The following CAPN3 variants were observed in gnomAD, a reference collection of about 807,000 sequenced individuals.
CAPN3 encodes the protein calpain 3.
A neutral mutation model predicts 114.0 loss-of-function variants in CAPN3; 88 were observed. That is an observed-to-expected ratio of 0.77 (90% CI 0.65 to 0.92). CAPN3 has a LOEUF of 0.92. Ranked by LOEUF, CAPN3 falls within the 40% of genes least tolerant of loss-of-function variation. The pLI is 0.00. For missense variants in CAPN3, 1,028 were observed against 1,069.0 expected (o/e 0.96, Z 0.53); for synonymous variants, 386 against 382.9 (o/e 1.01, Z -0.09).
At chr15:42,378,709 T>C (rs888500615) in intron 1 of CAPN3, among the ~76,000 whole-genome samples, 1 of 152,094 alleles carries the variant, frequency 6.6e-6, no homozygotes, top group Non-Finnish European at 1.5e-5. Flanking sequence ...ATCTCTTCTA[T>C]AGTGTACTAA....
chr15:42,392,678 G>A lies in CAPN3; in HGVS notation c.985G>A (p.Gly329Arg), dbSNP rs1085307995. The A allele has an allele frequency of 1.9e-6, 3 of 1,613,986 alleles. No homozygotes were observed. The highest frequency in any genetic ancestry group is 2.5e-6 in the Non-Finnish European group (3 of 1,179,936). The change falls in exon 7 of 24, where the codon GGG (glycine) becomes AGG (arginine). Residue 329 changes from glycine (G) to arginine (R), a missense_variant. Physicochemically the swap from Gly to Arg is moderately radical, Grantham distance 125. Coordinates refer to ENST00000397163, the MANE Select transcript of CAPN3 (RefSeq NM_000070.3). ...PVQYETRMAC[G>R]LVRGHAYSVT... Reference sequence around the variant, plus strand: ...TCAGTATGAGACAAGAATGGCCTGCGGGCTGGTCAGAGGTCACGCCTACTC... The same window carrying A: ...TCAGTATGAGACAAGAATGGCCTGCAGGCTGGTCAGAGGTCACGCCTACTC...
At chr15:42,410,306 G>A in intron 19 of CAPN3, 122 bp from the exon 20 acceptor site, 1 of 914,162 alleles carries the variant, frequency 1.1e-6, no homozygotes. Context: ...TGGTGGAGTG[G>A]AGGGGAGGGT....
At position 42,409,767 on chromosome 15, in the gene CAPN3, T is replaced by G; in HGVS notation, c.1993-20T>G. The G allele has an allele frequency of 6.2e-7, 1 of 1,608,440 alleles. No homozygotes were observed. The highest frequency in any genetic ancestry group is 8.5e-7 in the Non-Finnish European group (1 of 1,177,708). Reference sequence around the variant, plus strand: ...CTGCTGTACTCCTGAACCATGACCCTCCTCTCCCTTCCTCCTCAGGACATG... The same window carrying G: ...CTGCTGTACTCCTGAACCATGACCCGCCTCTCCCTTCCTCCTCAGGACATG... On this transcript the variant is annotated intron_variant, in intron 17 of 23. Transcript: ENST00000397163.
intron 2 of CAPN3, among the ~76,000 whole-genome samples, chr15:42,385,036 G>A (rs546354356): frequency 9.2e-4 from 140 of 152,314 alleles, no homozygotes; most frequent in African/African-American, 3.2e-3. Flanking sequence ...GATGGCATCC[G>A]CCATGTGGAT....
chr15:42,402,782 C>G lies in CAPN3; in HGVS notation c.1537-12C>G, dbSNP rs749260802. 40 of 1,613,656 alleles carry G rather than the reference C, an allele frequency of 2.5e-5. 2 individuals carry two copies. In the South Asian group the frequency reaches 4.3e-4, roughly 17 times the overall value. On this transcript the variant is annotated splice_polypyrimidine_tract_variant and intron_variant, in intron 12 of 23. Transcript: ENST00000397163. ...AGGGGCTCATGTGCCCTGGGCTCTC[C>G]CCATCTCTCAGATGCACGGGAACAA...
At position 42,375,608 on chromosome 15, in the gene CAPN3, T is replaced by C. The variant is rs146646992; in HGVS notation, c.310-8875T>C. 8.0e-4 allele frequency among the ~76,000 whole-genome samples: 122 copies of C among 152,306 alleles called. 1 individual carries two copies. The highest frequency in any genetic ancestry group is 3.4e-3 in the Middle Eastern group (1 of 294). On this transcript the variant is annotated intron_variant, in intron 1 of 23. Transcript: ENST00000397163. ...CCCAGTAGATCTGCAAGATGATCCA[T>C]TGGAGTGGATGAAAAAACTATTAGA... is the stretch of plus-strand genomic sequence containing the variant.
intron 2 of CAPN3, chr15:42,385,531 CAGAGAGAGAGAG>C (rs751078121): frequency 1.9e-5 from 7 of 361,092 alleles, no homozygotes; most frequent in African/African-American, 4.4e-5. Context: ...TATACACACA[CAGAGAGAGAGAG>C]AGAGAGAGAG....
chr15:42,409,722 C>G (rs1158292903), intron 17 of CAPN3, 65 bp from the exon 18 acceptor site: 11 of 1,431,702 alleles, frequency 7.7e-6, no homozygotes, highest in Non-Finnish European at 1.1e-5. Flanking sequence ...ATTTGTTTTG[C>G]AAAGTGTCCG....
chr15:42,400,391 A>G (rs1477585150), intron 10 of CAPN3, among the ~76,000 whole-genome samples: 3 of 152,186 alleles, frequency 2.0e-5, no homozygotes, highest in Non-Finnish European at 4.4e-5. Flanking sequence ...AGGAAGAAGA[A>G]TGATGTCAAG....
In CAPN3 at chr15:42,370,219, G is replaced by A. The variant is rs957953314; in HGVS notation, c.309+10105G>A. Among the ~76,000 whole-genome samples, 15 of 152,166 alleles carry A rather than the reference G, an allele frequency of 9.9e-5. 1 individual carries two copies. Among genetic ancestry groups the A allele is most frequent in the Admixed American group, 9.2e-4 (14 of 15,286 alleles). On this transcript the variant is annotated intron_variant, in intron 1 of 23. Coordinates refer to ENST00000397163, the MANE Select transcript of CAPN3 (RefSeq NM_000070.3). The stretch of plus-strand genomic sequence containing the variant: ...GGAAGCTTTCTGTCCATACCAGACG[G>A]TCTCTTGCTCTAATGACCTCTTCCA...
rs574443072 is a variant in CAPN3, at chr15:42,359,847, G to A, written c.42G>A (p.Ala14=). 1.4e-5 allele frequency: 23 copies of A among 1,614,114 alleles called. No individual in the cohort carries two copies. The highest frequency in any genetic ancestry group is 4.0e-5 in the African/African-American group (3 of 75,052). Residue 14 remains alanine, a synonymous_variant, in exon 1 of 24, where the codon GCG becomes GCA. Coordinates refer to ENST00000397163, the MANE Select transcript of CAPN3 (RefSeq NM_000070.3). ...VISASVAPRT[A]AEPRSPGPVP... is the part of the protein sequence containing the mutation. The stretch of plus-strand genomic sequence containing the variant: ...GCGCATCTGTGGCTCCAAGGACAGC[G>A]GCTGAGCCCCGGTCCCCAGGGCCAG...
chr15:42,380,728 CATATATAT>C (rs1263058025), intron 1 of CAPN3, among the ~76,000 whole-genome samples: 9 of 70,102 alleles, frequency 1.3e-4, no homozygotes, highest in South Asian at 4.8e-4. Context: ...CCACCTTCCC[CATATATAT>C]ATATATATAT....
chr15:42,406,133 C>T lies in CAPN3; in HGVS notation c.1800+190C>T, dbSNP rs117431439. Among the ~76,000 whole-genome samples the T allele has an allele frequency of 1.6e-4, 25 of 152,240 alleles. No individual in the cohort carries two copies. In the South Asian group the frequency reaches 2.7e-3, roughly 16 times the overall value. On this transcript the variant is annotated intron_variant, in intron 15 of 23. Coordinates refer to ENST00000397163, the MANE Select transcript of CAPN3 (RefSeq NM_000070.3). Reference sequence around the variant, plus strand: ...ACTACGATTTGCTGGGGGAAGGCTACGTGCCAAGCACTCTTTTAGGTGCTT... The same window carrying T: ...ACTACGATTTGCTGGGGGAAGGCTATGTGCCAAGCACTCTTTTAGGTGCTT...
chr15:42,377,979 C>T (rs1006106460), intron 1 of CAPN3, among the ~76,000 whole-genome samples: 7 of 152,160 alleles, frequency 4.6e-5, no homozygotes, highest in Admixed American at 3.3e-4. Flanking sequence ...CTTATTATCC[C>T]TTTAATGTCC....
rs1455433201 is a variant in CAPN3, at chr15:42,388,017, C to T, written c.632+131C>T. The T allele has an allele frequency of 1.1e-5, 11 of 1,031,262 alleles. No individual in the cohort carries two copies. The East Asian group carries it at 2.2e-4, about 21-fold the overall frequency. The allele number at this position is 1,031,262 out of a possible 1,614,324, so 63.9% of individuals were successfully genotyped here. A position where few individuals can be genotyped will look rare whatever the true frequency, so the allele number is the denominator to read the frequency against. ...CATATGTGTGGGCATGCAAGTCCAACTGTGACCCAAAGTTAGAGATCAGTT... is the reference window on the plus strand; with the variant it reads ...CATATGTGTGGGCATGCAAGTCCAATTGTGACCCAAAGTTAGAGATCAGTT... On this transcript the variant is annotated intron_variant, in intron 4 of 23. Coordinates refer to ENST00000397163, the MANE Select transcript of CAPN3 (RefSeq NM_000070.3).
chr15:42,359,954 A>G lies in CAPN3; in HGVS notation c.149A>G (p.Asn50Ser), dbSNP rs1262587749. 1 of 1,614,044 alleles carries G rather than the reference A, an allele frequency of 6.2e-7. No homozygotes were observed. Among genetic ancestry groups the G allele is most frequent in the Non-Finnish European group, 8.5e-7 (1 of 1,180,034 alleles). ...ATCTATTCAGCCATCATCAGCCGCA[A>G]TTTTCCTATTATCGGAGTGAAAGAG... is the stretch of plus-strand genomic sequence containing the variant. ...SGIYSAIISR[N>S]FPIIGVKEKT... The change falls in exon 1 of 24, where the codon AAT becomes AGT. Residue 50 changes from asparagine to serine, a missense_variant. Transcript: ENST00000397163.
At chr15:42,365,346 C>T (rs1011414050) in intron 1 of CAPN3, among the ~76,000 whole-genome samples, 3 of 152,122 alleles carry the variant, frequency 2.0e-5, no homozygotes, top group Admixed American at 2.0e-4. Context: ...CAGCCACCTC[C>T]AGCTTAACCT....
In CAPN3 at chr15:42,389,960, C is replaced by A; in HGVS notation, c.809C>A (p.Thr270Lys). The stretch of plus-strand genomic sequence containing the variant: ...TTCTCCATCGGGCCTCAGGATGGCA[C>A]GAACATGACCTATGGAACCTCTCCT... ...SLMGCSIDDG[T>K]NMTYGTSPSG... Residue 270 changes from threonine to lysine, a missense_variant, in exon 6 of 24, where the codon ACG becomes AAG. Physicochemically the swap from Thr to Lys is moderately conservative, Grantham distance 78. Coordinates refer to ENST00000397163, the MANE Select transcript of CAPN3 (RefSeq NM_000070.3). The A allele has an allele frequency of 1.2e-6, 2 of 1,614,060 alleles. No homozygotes were observed. Among genetic ancestry groups the A allele is most frequent in the Non-Finnish European group, 1.7e-6 (2 of 1,180,010 alleles).
chr15:42,373,710 C>T (rs945425035), intron 1 of CAPN3, among the ~76,000 whole-genome samples: 1 of 152,186 alleles, frequency 6.6e-6, no homozygotes, highest in African/African-American at 2.4e-5. Flanking sequence ...AGTCAAGTTA[C>T]CTACCCTCTG....
Sources: gnomAD v4.1 joint callset for allele counts (sites outside exome capture counted in the v4.1 genomes callset) on GRCh38, gnomAD v4.1.1 for gene constraint, MANE v1.5 for transcripts, NCBI Gene and HGNC (gene_info 2026-07-23, HGNC 2026-07-21) for gene names.